The following OR3A1 variants were observed in gnomAD, a reference collection of about 807,000 sequenced individuals.
OR3A1 encodes olfactory receptor family 3 subfamily A member 1.
For synonymous variants in OR3A1, 145 were observed against 160.0 expected (o/e 0.91, Z 0.71); for missense variants, 402 against 393.8 (o/e 1.02, Z -0.18).
chr17:3,296,339 T>C (rs2048917867), intron 1 of OR3A1, among the ~76,000 whole-genome samples: 1 of 152,084 alleles, frequency 6.6e-6, no homozygotes, highest in South Asian at 2.1e-4. Context: ...ATTAAATCAG[T>C]GTTCAGAAAA....
intron 1 of OR3A1, among the ~76,000 whole-genome samples, chr17:3,296,655 C>A: frequency 6.6e-6 from 1 of 151,690 alleles, no homozygotes; most frequent in Non-Finnish European, 1.5e-5. Flanking sequence ...GTCACTTTAC[C>A]CCAATCTATA....
chr17:3,297,151 T>G (rs1342347181), intron 1 of OR3A1, among the ~76,000 whole-genome samples: 1 of 152,210 alleles, frequency 6.6e-6, no homozygotes, highest in Non-Finnish European at 1.5e-5. Flanking sequence ...CATAAGGTGG[T>G]GGCTGTCGGA....
At chr17:3,293,689 A>C (rs761480830) in intron 1 of OR3A1, among the ~76,000 whole-genome samples, 4 of 152,238 alleles carry the variant, frequency 2.6e-5, no homozygotes, top group Non-Finnish European at 4.4e-5. Flanking sequence ...TTACCTGGCA[A>C]AGACATGGAA....
rs2048864962 is a variant in OR3A1 at position 3,291,387 on chromosome 17, C to G, written c.*248G>C. ...CAGCTTCCTAGGTTTCACCTCTAGC[C>G]AGAAAGGAGAGAACACGGTGCCTGA... On this transcript the variant is annotated 3_prime_UTR_variant, in exon 2 of 2. Coordinates refer to ENST00000323404, the MANE Select transcript of OR3A1 (RefSeq NM_002550.3). The G allele has an allele frequency of 1.8e-5, 7 of 390,846 alleles. No individual in the cohort carries two copies. The East Asian group carries it at 2.6e-4, about 15-fold the overall frequency. The allele number at this position is 390,846 out of a possible 1,614,324, so 24.2% of individuals were successfully genotyped here.
intron 1 of OR3A1, among the ~76,000 whole-genome samples, chr17:3,297,618 C>A (rs1477480411): frequency 6.6e-6 from 1 of 151,668 alleles, no homozygotes; most frequent in Admixed American, 6.6e-5. Context: ...GGACATTTCT[C>A]TATAGAGCAC....
intron 1 of OR3A1, among the ~76,000 whole-genome samples, chr17:3,296,151 A>T (rs777312716): frequency 2.0e-5 from 3 of 152,152 alleles, no homozygotes; most frequent in Admixed American, 1.3e-4. Flanking sequence ...CAAATAATAC[A>T]AACAATGATA....
intron 1 of OR3A1, among the ~76,000 whole-genome samples, chr17:3,297,438 T>G (rs811696): frequency 0.47 from 70,343 of 151,252 alleles, 18,149 homozygotes; most frequent in East Asian, 0.95. Context: ...TTACTTTATC[T>G]GGAACATCCT....
intron 1 of OR3A1, among the ~76,000 whole-genome samples, chr17:3,294,360 A>G (rs959765533): frequency 6.6e-6 from 1 of 152,034 alleles, no homozygotes; most frequent in African/African-American, 2.4e-5. Flanking sequence ...CAATACATGG[A>G]AAAAAATTAG....
intron 1 of OR3A1, among the ~76,000 whole-genome samples, chr17:3,294,959 GT>G (rs947246146): frequency 8.6e-5 from 13 of 151,580 alleles, no homozygotes; most frequent in African/African-American, 3.1e-4. Context: ...TGTTTTGTTT[GT>G]TTTTTTTAAC....
At position 3,291,665 on chromosome 17, in the gene OR3A1, C is replaced by T. The variant is rs1186575950; in HGVS notation, c.918G>A (p.Arg306=). The change falls in exon 2 of 2, where the codon AGG becomes AGA. Residue 306 remains arginine, a synonymous_variant. Transcript: ENST00000323404. The part of the protein sequence containing the change: ...RNPDVQSAIW[R]MLTGRRSLA The stretch of plus-strand genomic sequence containing the variant: ...CCAGTGACCGCCTCCCTGTGAGCAT[C>T]CTCCAGATGGCACTCTGCACATCAG... 9 of 1,603,668 alleles carry T rather than the reference C, an allele frequency of 5.6e-6. No homozygotes were observed. The highest frequency in any genetic ancestry group is 5.5e-5 in the South Asian group (5 of 90,718).
At chr17:3,294,800 C>T (rs189194784) in intron 1 of OR3A1, among the ~76,000 whole-genome samples, 3 of 152,132 alleles carry the variant, frequency 2.0e-5, no homozygotes, top group Non-Finnish European at 2.9e-5. Context: ...CTGCAGTCTC[C>T]GGGGGAAGAA....
rs558723013 is a variant in OR3A1 at position 3,292,141 on chromosome 17, C to A, written c.442G>T (p.Val148Leu). Residue 148 changes from valine to leucine, a missense_variant, in exon 2 of 2, where the codon GTG becomes TTG. By Grantham distance (32) the Val-to-Leu change is conservative. Transcript: ENST00000323404. ...RMSQTVQRMLVAASWACAFTN... is the reference protein window; with the variant it reads ...RMSQTVQRMLLAASWACAFTN... ...AAAGCACAAGCCCAGGACGCAGCCA[C>A]CAACATCCTCTGGACTGTCTGACTC... The A allele has an allele frequency of 1.4e-5, 23 of 1,614,022 alleles. No individual in the cohort carries two copies. Among genetic ancestry groups the A allele is most frequent in the Non-Finnish European group, 1.9e-5 (23 of 1,180,040 alleles).
chr17:3,292,158 G>A lies in OR3A1; in HGVS notation c.425C>T (p.Thr142Ile), dbSNP rs1464490792. 12 of 1,614,158 alleles carry A rather than the reference G, an allele frequency of 7.4e-6. No homozygotes were observed. Among genetic ancestry groups the A allele is most frequent in the East Asian group, 4.5e-5 (2 of 44,874 alleles). ...CGCAGCCACCAACATCCTCTGGACT[G>A]TCTGACTCATGCGGGTGCTGTAGGT... is the stretch of plus-strand genomic sequence containing the variant. ...PLTYSTRMSQ[T>I]VQRMLVAASW... The change falls in exon 2 of 2, where the codon ACA (threonine) becomes ATA (isoleucine). Residue 142 changes from threonine (T) to isoleucine (I), a missense_variant. Physicochemically the swap from Thr to Ile is moderately conservative, Grantham distance 89. Transcript: ENST00000323404.
rs201085407 is a variant in OR3A1, at chr17:3,291,948, G to A, written c.635C>T (p.Thr212Ile). The A allele has an allele frequency of 5.3e-5, 86 of 1,614,100 alleles. No individual in the cohort carries two copies. The highest frequency in any genetic ancestry group is 1.6e-4 in the Middle Eastern group (1 of 6,084). ...LFAVGFIMAGTPMALIVISYI... is the reference protein window; with the variant it reads ...LFAVGFIMAGIPMALIVISYI... Reference sequence around the variant, plus strand: ...GGAGATGACAATGAGAGCCATGGGGGTACCTGCCATTATAAAACCCACAGC... The same window carrying A: ...GGAGATGACAATGAGAGCCATGGGGATACCTGCCATTATAAAACCCACAGC... Residue 212 changes from threonine (T) to isoleucine (I), a missense_variant, in exon 2 of 2, where the codon ACC becomes ATC. Thr to Ile is a moderately conservative substitution (Grantham distance 89). Coordinates refer to ENST00000323404, the MANE Select transcript of OR3A1 (RefSeq NM_002550.3).
At chr17:3,292,660 GACCCCCTTCTACTTGCCCGGCC>G (rs2048886944) in intron 1 of OR3A1, 72 bp from the exon 2 acceptor site, 3 of 1,310,218 alleles carry the variant, frequency 2.3e-6, no homozygotes, top group Non-Finnish European at 3.1e-6. Context: ...AAAAGAAACA[GACCCCCTTCTACTTGCCCGGCC>G]CTCTGCCACG....
intron 1 of OR3A1, among the ~76,000 whole-genome samples, 163 bp from the exon 2 acceptor site, chr17:3,292,751 C>G (rs934858320): frequency 1.3e-5 from 2 of 152,158 alleles, no homozygotes; most frequent in African/African-American, 4.8e-5. Context: ...CTTGTTTACT[C>G]TGTCGCTACA....
intron 1 of OR3A1, among the ~76,000 whole-genome samples, chr17:3,293,999 G>A (rs2048899186): frequency 6.6e-6 from 1 of 152,102 alleles, no homozygotes; most frequent in Non-Finnish European, 1.5e-5. Flanking sequence ...AAGAGCTAAT[G>A]CATGCTGGGC....
At chr17:3,294,074 C>T (rs1365352945) in intron 1 of OR3A1, among the ~76,000 whole-genome samples, 2 of 151,848 alleles carry the variant, frequency 1.3e-5, no homozygotes, top group Non-Finnish European at 2.9e-5. Flanking sequence ...ACCTATGTGA[C>T]AAACCTGCAT....
In OR3A1 at chr17:3,292,054, T is replaced by C. The variant is rs112866958; in HGVS notation, c.529A>G (p.Ile177Val). 1.8e-5 allele frequency: 29 copies of C among 1,613,988 alleles called. No homozygotes were observed. Among genetic ancestry groups the C allele is most frequent in the Non-Finnish European group, 2.3e-5 (27 of 1,180,016 alleles). ...STLNFCGPNV[I>V]NHFYCDLPQL... ...GGGAGGTCACAGTAGAAGTGATTGA[T>C]CACATTGGGGCCACAGAAGTTGAGC... is the stretch of plus-strand genomic sequence containing the variant. Residue 177 changes from isoleucine to valine, a missense_variant, in exon 2 of 2, where the codon ATC (isoleucine) becomes GTC (valine). Transcript: ENST00000323404.
Sources: allele counts gnomAD v4.1 joint callset (sites outside exome capture counted in the v4.1 genomes callset), GRCh38; gene constraint gnomAD v4.1.1; transcripts MANE v1.5; gene names NCBI Gene and HGNC (gene_info 2026-07-23, HGNC 2026-07-21).